Variants in CDH8 observed in about 807,000 individuals in gnomAD.
CDH8 encodes the protein cadherin 8.
A neutral mutation model predicts 68.1 loss-of-function variants in CDH8; 17 were observed. That is an observed-to-expected ratio of 0.25 (90% CI 0.17 to 0.37). CDH8 has a LOEUF of 0.37. Ranked by LOEUF, CDH8 falls within the 10% of genes least tolerant of loss-of-function variation. The probability of loss-of-function intolerance (pLI) is 1.00; values close to 1 mark genes in which losing one functional copy is unlikely to be tolerated. For missense variants in CDH8, 763 were observed against 999.3 expected, an observed-to-expected ratio of 0.76 and a Z score of 3.19; for synonymous variants, 372 against 365.1, an observed-to-expected ratio of 1.02 and a Z score of -0.21.
At chr16:61,787,857 G>A (rs1252854067) in intron 8 of CDH8, among the ~76,000 whole-genome samples, 5 of 130,540 alleles carry the variant, frequency 3.8e-5, no homozygotes, top group South Asian at 5.6e-4. Context: ...AACCAAACAC[G>A]GCATATTCTC....
rs1278066962 is a variant in CDH8 at position 61,663,628 on chromosome 16, G to A, written c.1655-7907C>T. 3.3e-5 allele frequency among the ~76,000 whole-genome samples: 5 copies of A among 151,870 alleles called. 1 individual carries two copies. The highest frequency in any genetic ancestry group is 1.2e-4 in the African/African-American group (5 of 41,366). On this transcript the variant is annotated intron_variant, in intron 10 of 11. Coordinates refer to ENST00000577390, the MANE Select transcript of CDH8 (RefSeq NM_001796.5). ...CCCACTTCTATTTGGAATGGTTTCA[G>A]TTTTAAGGAACTGAACACCTAACTG... is the stretch of plus-strand genomic sequence containing the variant.
At chr16:61,965,104 G>A (rs1201887623) in intron 2 of CDH8, among the ~76,000 whole-genome samples, 1 of 152,016 alleles carries the variant, frequency 6.6e-6, no homozygotes, top group Non-Finnish European at 1.5e-5. Flanking sequence ...GGTTGAGGTT[G>A]GGGGCATCTG....
intron 1 of CDH8, among the ~76,000 whole-genome samples, chr16:62,028,118 G>A (rs1465535356): frequency 6.7e-6 from 1 of 149,186 alleles, no homozygotes; most frequent in East Asian, 2.0e-4. Flanking sequence ...AGGCTGGAGG[G>A]CAATGGCACG....
intron 1 of CDH8, among the ~76,000 whole-genome samples, chr16:62,035,400 G>A (rs1902431933): frequency 6.6e-6 from 1 of 152,190 alleles, no homozygotes; most frequent in Non-Finnish European, 1.5e-5. Context: ...GGTCCTGCAG[G>A]GGTGCTGGGC....
In CDH8 at chr16:61,782,242, C is replaced by T. The variant is rs923555964; in HGVS notation, c.1414+7104G>A. Among the ~76,000 whole-genome samples, 10 of 151,870 alleles carry T rather than the reference C, an allele frequency of 6.6e-5. No homozygotes were observed. In the South Asian group the frequency reaches 1.2e-3, roughly 19 times the overall value. On this transcript the variant is annotated intron_variant, in intron 8 of 11. Transcript: ENST00000577390. ...GGCCAGTGGGTGCGCGCACCGTCCG[C>T]GAGCCGAAGCAGGGCGAGGCATTGC...
intron 8 of CDH8, among the ~76,000 whole-genome samples, chr16:61,778,494 T>C (rs1191277980): frequency 6.6e-6 from 1 of 152,050 alleles, no homozygotes; most frequent in Non-Finnish European, 1.5e-5. Flanking sequence ...AATATTTTGT[T>C]GTGGGAAGGG....
chr16:61,891,092 T>A (rs1010887695), intron 3 of CDH8, among the ~76,000 whole-genome samples: 1 of 151,870 alleles, frequency 6.6e-6, no homozygotes, highest in African/African-American at 2.4e-5. Flanking sequence ...ACATATAATA[T>A]ATAAGGTTGA....
intron 1 of CDH8, among the ~76,000 whole-genome samples, chr16:62,032,834 G>A (rs1436446252): frequency 2.0e-5 from 3 of 152,146 alleles, no homozygotes; most frequent in Admixed American, 2.0e-4. Context: ...GTGCCACCTT[G>A]AGTAGAAAAA....
intron 2 of CDH8, among the ~76,000 whole-genome samples, chr16:61,999,996 G>A (rs1965869877): frequency 6.6e-6 from 1 of 151,504 alleles, no homozygotes; most frequent in East Asian, 2.0e-4. Context: ...AGTGTGTGAT[G>A]TTCCTCTCCC....
At chr16:61,988,606 CAAAA>C (rs1054669489) in intron 2 of CDH8, among the ~76,000 whole-genome samples, 4 of 151,584 alleles carry the variant, frequency 2.6e-5, no homozygotes, top group Admixed American at 6.6e-5. Context: ...AACAAACAAA[CAAAA>C]AAAGGTACAA....
intron 8 of CDH8, among the ~76,000 whole-genome samples, chr16:61,776,312 A>T (rs547803911): frequency 6.6e-6 from 1 of 152,254 alleles, no homozygotes; most frequent in Admixed American, 6.5e-5. Flanking sequence ...GTTAGACCCA[A>T]TGTTTTCACT....
At chr16:61,932,834 G>A (rs751332942) in intron 2 of CDH8, among the ~76,000 whole-genome samples, 3 of 152,202 alleles carry the variant, frequency 2.0e-5, no homozygotes, top group South Asian at 2.1e-4. Context: ...ATGTGGACCT[G>A]CATGCACCTC....
chr16:61,758,177 G>C (rs1158762414), intron 8 of CDH8, among the ~76,000 whole-genome samples: 1 of 152,122 alleles, frequency 6.6e-6, no homozygotes, highest in Non-Finnish European at 1.5e-5. Context: ...TTGGAAATTA[G>C]ATGAAAGGAA....
chr16:61,689,372 T>C (rs1390722343), intron 10 of CDH8, among the ~76,000 whole-genome samples: 1 of 151,954 alleles, frequency 6.6e-6, no homozygotes, highest in African/African-American at 2.4e-5. Context: ...ATAAGATGCT[T>C]AAAGTACCTG....
intron 7 of CDH8, among the ~76,000 whole-genome samples, chr16:61,801,399 T>C (rs1399274616): frequency 6.6e-6 from 1 of 152,188 alleles, no homozygotes; most frequent in African/African-American, 2.4e-5. Context: ...CTATCCAATA[T>C]GGTAACCACT....
chr16:61,755,109 G>A (rs1378664149), intron 8 of CDH8, among the ~76,000 whole-genome samples: 2 of 152,176 alleles, frequency 1.3e-5, no homozygotes, highest in African/African-American at 2.4e-5. Context: ...GGCAAACAAC[G>A]ACTCTTGTGA....
intron 2 of CDH8, among the ~76,000 whole-genome samples, chr16:61,958,885 C>G (rs1265722251): frequency 6.6e-6 from 1 of 152,168 alleles, no homozygotes; most frequent in Non-Finnish European, 1.5e-5. Flanking sequence ...CTGACCATTT[C>G]TTTCTAGCTC....
intron 10 of CDH8, chr16:61,710,857 T>C (rs551936904): frequency 3.0e-4 from 45 of 152,084 alleles, no homozygotes; most frequent in African/African-American, 9.9e-4. Context: ...TTCTTCCCTG[T>C]CTTGTTATAT....
chr16:61,687,181 C>A (rs551514847), intron 10 of CDH8, among the ~76,000 whole-genome samples: 30 of 151,738 alleles, frequency 2.0e-4, no homozygotes, highest in African/African-American at 7.0e-4. Context: ...TCCTGTAATA[C>A]CACAATAAAA....
Sources: allele counts gnomAD v4.1 joint callset (sites outside exome capture counted in the v4.1 genomes callset), GRCh38; gene constraint gnomAD v4.1.1; transcripts MANE v1.5; gene names NCBI Gene and HGNC (gene_info 2026-07-23, HGNC 2026-07-21).